The following USP3 variants were observed in gnomAD, a reference collection of about 807,000 sequenced individuals.
USP3 encodes the protein ubiquitin carboxyl-terminal hydrolase 3.
A neutral mutation model predicts 72.3 loss-of-function variants in USP3; 20 were observed. The ratio of observed to expected loss-of-function variants is 0.28; its 90% confidence interval spans 0.19 to 0.40. The LOEUF is 0.40. USP3 is among the 10% of genes least tolerant of loss of function. The pLI, the probability that USP3 is intolerant of heterozygous loss-of-function variation, is 1.00. For missense variants in USP3, 479 were observed against 633.9 expected, an observed-to-expected ratio of 0.76 and a Z score of 2.62; for synonymous variants, 222 against 225.3, an observed-to-expected ratio of 0.99 and a Z score of 0.13.
chr15:63,518,609 A>G (rs1002825507), intron 1 of USP3, among the ~76,000 whole-genome samples: 1 of 152,240 alleles, frequency 6.6e-6, no homozygotes, highest in Non-Finnish European at 1.5e-5. Flanking sequence ...TAAGAATAGT[A>G]CATACAAAGA....
chr15:63,547,761 GGAGAGAGAGAGAGA>G (rs1180675814), intron 3 of USP3, among the ~76,000 whole-genome samples: 8 of 4,468 alleles, frequency 1.8e-3, no homozygotes, highest in African/African-American at 4.7e-3. Context: ...AGGGAGGGAG[GGAGAGAGAGAGAGA>G]GAGAGAGAGA....
At chr15:63,572,541 A>G (rs564374814) in intron 9 of USP3, among the ~76,000 whole-genome samples, 1 of 152,304 alleles carries the variant, frequency 6.6e-6, no homozygotes, top group South Asian at 2.1e-4. Flanking sequence ...AAAAAGTAAT[A>G]ATAAAGTTAC....
chr15:63,549,116 A>T (rs530907924), intron 3 of USP3, among the ~76,000 whole-genome samples: 26 of 152,344 alleles, frequency 1.7e-4, no homozygotes, highest in African/African-American at 6.0e-4. Context: ...ACATGTAATC[A>T]ATGTAAAATT....
intron 1 of USP3, among the ~76,000 whole-genome samples, chr15:63,514,739 T>A (rs1278947601): frequency 6.6e-6 from 1 of 152,194 alleles, no homozygotes; most frequent in African/African-American, 2.4e-5. Flanking sequence ...CTTAAATATA[T>A]ACGAGTCTTT....
Position 63,574,346 on chromosome 15 carries a change from C to G in USP3, c.1039C>G (p.Gln347Glu). Residue 347 changes from glutamine to glutamate, a missense_variant, in exon 11 of 15, where the codon CAG becomes GAG. Coordinates refer to ENST00000380324, the MANE Select transcript of USP3 (RefSeq NM_006537.4). This position sits in a 1 kb window ranked among gnomAD's most constrained non-coding sequence, Gnocchi z 4.6. ...AGACCTTTCATTAGATATTCCAAGT[C>G]AGTTCAGAAGTAAGCGCTCTAAGAA... The part of the protein sequence containing the change: ...FLDLSLDIPS[Q>E]FRSKRSKNQE... 6.2e-7 allele frequency: 1 copy of G among 1,602,996 alleles called. No individual in the cohort carries two copies. The highest frequency in any genetic ancestry group is 8.5e-7 in the Non-Finnish European group (1 of 1,175,502).
intron 5 of USP3, 62 bp downstream of exon 5, chr15:63,556,810 CAACTCTAACATGTAATGTTACCT>C: frequency 8.9e-7 from 1 of 1,129,580 alleles, no homozygotes; most frequent in East Asian, 2.6e-5. Flanking sequence ...TGTTTTGTTA[CAACTCTAACATGTAATGTTACCT>C]GTTACAGACT....
At chr15:63,580,021 G>A (rs1035755505) in intron 11 of USP3, among the ~76,000 whole-genome samples, 2 of 151,948 alleles carry the variant, frequency 1.3e-5, no homozygotes, top group African/African-American at 4.8e-5. Context: ...CACTTACAAG[G>A]GTGGACAATA....
intron 4 of USP3, among the ~76,000 whole-genome samples, chr15:63,555,912 T>C (rs183249455): frequency 6.6e-6 from 1 of 152,312 alleles, no homozygotes; most frequent in African/African-American, 2.4e-5. Flanking sequence ...TTTTAGAAGG[T>C]GGGAGAGAAT....
Position 63,588,088 on chromosome 15 carries a change from C to G in USP3, c.1097-217C>G. 1 of 395,842 alleles carries G rather than the reference C, an allele frequency of 2.5e-6. No individual in the cohort carries two copies. The highest frequency in any genetic ancestry group is 4.5e-6 in the Non-Finnish European group (1 of 222,348). 24.5% of individuals were successfully genotyped at this position (395,842 alleles called of 1,614,324 possible). On this transcript the variant is annotated intron_variant, in intron 11 of 14. Transcript: ENST00000380324. The surrounding 1 kb of genome is among the most constrained non-coding windows in gnomAD (Gnocchi z 4.6). ...CAATTGATCATCACCAGATGTCAGG[C>G]ATGATGCCAGGTGCTCTACACATTA...
At chr15:63,537,437 A>G (rs1304613220) in intron 3 of USP3, among the ~76,000 whole-genome samples, 1 of 151,920 alleles carries the variant, frequency 6.6e-6, no homozygotes, top group Non-Finnish European at 1.5e-5. Context: ...TGTTATTATA[A>G]TTTCTTTTTC....
intron 11 of USP3, among the ~76,000 whole-genome samples, chr15:63,578,639 A>G (rs115568234): frequency 0.024 from 3,715 of 151,738 alleles, 130 homozygotes; most frequent in African/African-American, 0.085. Context: ...GAAGAAAAAA[A>G]AAAGAAATGT....
chr15:63,556,407 G>A (rs954149416), intron 4 of USP3: 4 of 328,696 alleles, frequency 1.2e-5, no homozygotes, highest in Non-Finnish European at 2.2e-5. Flanking sequence ...GGTGGGGAGT[G>A]TCCCACGGGC....
rs2066466438 is a variant in USP3 at position 63,553,641 on chromosome 15, C to G, written c.285-74C>G. Reference sequence around the variant, plus strand: ...GCCATGTGATCATCTTGGCAACAGCCAGACCTTTTAGTGATTTCATTACTG... The same window carrying G: ...GCCATGTGATCATCTTGGCAACAGCGAGACCTTTTAGTGATTTCATTACTG... On this transcript the variant is annotated intron_variant, in intron 3 of 14. Coordinates refer to ENST00000380324, the MANE Select transcript of USP3 (RefSeq NM_006537.4). This position sits in a 1 kb window ranked among gnomAD's most constrained non-coding sequence, Gnocchi z 4.2. 2 of 1,423,672 alleles carry G rather than the reference C, an allele frequency of 1.4e-6. No individual in the cohort carries two copies. The highest frequency in any genetic ancestry group is 2.5e-5 in the East Asian group (1 of 40,002). The allele number at this position is 1,423,672 out of a possible 1,614,324, so 88.2% of individuals were successfully genotyped here.
intron 8 of USP3, among the ~76,000 whole-genome samples, chr15:63,565,908 GAT>G (rs1373106764): frequency 1.3e-5 from 2 of 152,204 alleles, no homozygotes; most frequent in Non-Finnish European, 2.9e-5. Flanking sequence ...CTGTAATTTT[GAT>G]AGTCTTTTCT....
At chr15:63,525,627 A>G (rs2065971577) in intron 1 of USP3, among the ~76,000 whole-genome samples, 1 of 152,236 alleles carries the variant, frequency 6.6e-6, no homozygotes, top group African/African-American at 2.4e-5. Flanking sequence ...GACTCAAGTT[A>G]TAGATAGAAG....
At chr15:63,507,805 G>T (rs1377809995) in intron 1 of USP3, among the ~76,000 whole-genome samples, 1 of 152,116 alleles carries the variant, frequency 6.6e-6, no homozygotes, top group African/African-American at 2.4e-5. Flanking sequence ...AAGAGCCTTC[G>T]TGTAGCTTAT....
intron 1 of USP3, among the ~76,000 whole-genome samples, chr15:63,521,944 G>A (rs1331175773): frequency 3.3e-5 from 5 of 152,146 alleles, no homozygotes; most frequent in African/African-American, 7.2e-5. Context: ...GGTCTCCTCC[G>A]GTGATTTGTT....
chr15:63,519,011 C>T (rs144877098), intron 1 of USP3, among the ~76,000 whole-genome samples: 18,758 of 152,192 alleles, frequency 0.12, 1,580 homozygotes, highest in South Asian at 0.19. Context: ...ATGATCTGCC[C>T]GCCTCAGCAT....
chr15:63,534,292 A>G (rs1858369553), intron 2 of USP3, among the ~76,000 whole-genome samples: 1 of 152,116 alleles, frequency 6.6e-6, no homozygotes, highest in Non-Finnish European at 1.5e-5. Context: ...TGCCAAATTT[A>G]TTGATTTTTT....
Sources: allele counts gnomAD v4.1 joint callset (sites outside exome capture counted in the v4.1 genomes callset), GRCh38; gene constraint gnomAD v4.1.1; non-coding constraint Gnocchi (gnomAD v3.1); transcripts MANE v1.5; gene names NCBI Gene and HGNC (gene_info 2026-07-23, HGNC 2026-07-21).